Variants in SSBP3 observed in about 807,000 individuals in gnomAD.
SSBP3 encodes single stranded DNA binding protein 3.
SSBP3 carries 5 observed loss-of-function variants against 69.6 expected under a neutral mutation model. The observed-to-expected ratio is 0.07, with a 90% CI of 0.04 to 0.15. The LOEUF is 0.15. Ranked by LOEUF, SSBP3 falls within the 10% of genes least tolerant of loss-of-function variation. SSBP3 has a pLI of 1.00. For synonymous variants in SSBP3, 196 were observed against 193.4 expected (o/e 1.01, Z -0.11); for missense variants, 312 against 534.0 (o/e 0.58, Z 4.10).
intron 4 of SSBP3, among the ~76,000 whole-genome samples, chr1:54,357,566 C>G (rs6657948): frequency 0.63 from 95,734 of 152,062 alleles, 31,353 homozygotes; most frequent in African/African-American, 0.83. Context: ...CCCCCATCCA[C>G]AGGGGACCCA....
upstream of SSBP3, among the ~76,000 whole-genome samples, chr1:54,410,221 G>A (rs1303013516): frequency 6.6e-6 from 1 of 152,216 alleles, no homozygotes; most frequent in African/African-American, 2.4e-5. Context: ...ACGGAGAGGT[G>A]AATTCCAAGC....
At chr1:54,246,079 C>T (rs533112675) in intron 9 of SSBP3, among the ~76,000 whole-genome samples, 2 of 152,266 alleles carry the variant, frequency 1.3e-5, no homozygotes, top group South Asian at 2.1e-4. Flanking sequence ...TGCTGTGCTG[C>T]CTTGTCTATA....
At chr1:54,410,537 C>G (rs535198066), upstream of SSBP3, among the ~76,000 whole-genome samples, 1 of 152,204 alleles carries the variant, frequency 6.6e-6, no homozygotes, top group Non-Finnish European at 1.5e-5. Flanking sequence ...CTTCTGCACC[C>G]GGCACGCTCA....
intron 7 of SSBP3, among the ~76,000 whole-genome samples, chr1:54,252,918 T>C (rs1035609526): frequency 1.9e-4 from 29 of 152,196 alleles, no homozygotes; most frequent in African/African-American, 6.5e-4. Context: ...CAGGGGTCTG[T>C]CCTCAAGGGC....
intron 5 of SSBP3, among the ~76,000 whole-genome samples, chr1:54,267,264 A>G (rs1337345218): frequency 3.9e-5 from 6 of 152,228 alleles, no homozygotes. Context: ...GTATCCATAC[A>G]ACAGGGCACT....
chr1:54,370,104 G>A (rs891055509), intron 4 of SSBP3, among the ~76,000 whole-genome samples: 14 of 152,052 alleles, frequency 9.2e-5, no homozygotes, highest in African/African-American at 3.1e-4. Context: ...TCACCACCTG[G>A]CACTCCAATG....
At chr1:54,300,550 C>A (rs1001141302) in intron 4 of SSBP3, among the ~76,000 whole-genome samples, 25 of 152,300 alleles carry the variant, frequency 1.6e-4, no homozygotes, top group South Asian at 2.1e-4. Flanking sequence ...ACCGCACAGG[C>A]CTGTACTCAG....
intron 5 of SSBP3, among the ~76,000 whole-genome samples, chr1:54,267,682 A>G (rs1447652408): frequency 6.6e-6 from 1 of 152,214 alleles, no homozygotes; most frequent in Non-Finnish European, 1.5e-5. Flanking sequence ...CCACCAGGCC[A>G]AGGGGAAGGA....
upstream of SSBP3, among the ~76,000 whole-genome samples, chr1:54,406,701 A>G (rs1487414428): frequency 1.1e-4 from 16 of 151,462 alleles, no homozygotes; most frequent in East Asian, 3.0e-3. Flanking sequence ...GAGGAGGGGG[A>G]TCTGACCCGC....
At chr1:54,249,593 A>AC (rs1644791957) in intron 9 of SSBP3, among the ~76,000 whole-genome samples, 1 of 152,024 alleles carries the variant, frequency 6.6e-6, no homozygotes, top group South Asian at 2.1e-4. Context: ...TACTTGGGAG[A>AC]CTGAGGATGT....
At chr1:54,226,126 A>G (rs1570165391) in exon 18 of SSBP3, 1 of 151,816 alleles carries the variant, frequency 6.6e-6, no homozygotes, top group East Asian at 1.9e-4. Flanking sequence ...AGCCTCTCCC[A>G]CTCTGCGCCA....
rs188628169 is a variant in SSBP3, at chr1:54,299,273, A to G, written c.277-17746T>C. ...ACTGGTATTTTCCGCTCCACTTGCCAAGAATGGAGCCACCCTGCCCTGCAT... is the reference window on the plus strand; with the variant it reads ...ACTGGTATTTTCCGCTCCACTTGCCGAGAATGGAGCCACCCTGCCCTGCAT... On this transcript the variant is annotated intron_variant, in intron 4 of 17. Transcript: ENST00000610401. 8.5e-5 allele frequency among the ~76,000 whole-genome samples: 13 copies of G among 152,238 alleles called. No homozygotes were observed. In the East Asian group the frequency reaches 2.3e-3, roughly 27 times the overall value.
intron 4 of SSBP3, among the ~76,000 whole-genome samples, chr1:54,391,123 G>A (rs1648461651): frequency 6.6e-6 from 1 of 152,212 alleles, no homozygotes; most frequent in South Asian, 2.1e-4. Flanking sequence ...GGCTTGCTGT[G>A]TCACCAGCCT....
chr1:54,393,790 C>T (rs1049645856), intron 4 of SSBP3, among the ~76,000 whole-genome samples: 14 of 152,044 alleles, frequency 9.2e-5, no homozygotes, highest in Non-Finnish European at 1.9e-4. Flanking sequence ...GACTGAGTCT[C>T]GCTCTATTGC....
chr1:54,282,580 G>C lies in SSBP3; in HGVS notation c.277-1053C>G, dbSNP rs547443911. On this transcript the variant is annotated intron_variant, in intron 4 of 17. Coordinates refer to ENST00000610401, the Ensembl canonical transcript of SSBP3. Reference sequence around the variant, plus strand: ...AGCCTGGCCTCCTTCCAAAGGATCTGTGTGCAACCTATTCAGGTGGTCGGC... The same window carrying C: ...AGCCTGGCCTCCTTCCAAAGGATCTCTGTGCAACCTATTCAGGTGGTCGGC... Among the ~76,000 whole-genome samples the C allele has an allele frequency of 7.5e-4, 114 of 152,302 alleles. No individual in the cohort carries two copies. In the Middle Eastern group the frequency reaches 0.01, roughly 14 times the overall value.
intron 4 of SSBP3, among the ~76,000 whole-genome samples, chr1:54,380,204 C>T (rs1647508944): frequency 6.6e-6 from 1 of 152,190 alleles, no homozygotes; most frequent in South Asian, 2.1e-4. Flanking sequence ...CGCAGAGCAG[C>T]GGACGCCACT....
At chr1:54,368,288 C>CA (rs57721486) in intron 4 of SSBP3, among the ~76,000 whole-genome samples, 1,719 of 68,362 alleles carry the variant, frequency 0.025, 30 homozygotes, top group South Asian at 0.06. Flanking sequence ...GACTCCATCT[C>CA]AAAAAAAAAA....
At chr1:54,246,498 C>A (rs1373445198) in intron 9 of SSBP3, among the ~76,000 whole-genome samples, 7 of 152,188 alleles carry the variant, frequency 4.6e-5, no homozygotes, top group South Asian at 4.2e-4. Context: ...TGTCTCAGCA[C>A]GGAGTGGGGT....
chr1:54,333,513 C>T (rs1006268599), intron 4 of SSBP3, among the ~76,000 whole-genome samples: 5 of 152,132 alleles, frequency 3.3e-5, no homozygotes, highest in African/African-American at 1.2e-4. Flanking sequence ...TGGCCCACGC[C>T]TGTAAATCCC....
Sources: gnomAD v4.1 joint callset for allele counts (sites outside exome capture counted in the v4.1 genomes callset) on GRCh38, gnomAD v4.1.1 for gene constraint, MANE v1.5 for transcripts, NCBI Gene and HGNC (gene_info 2026-07-23, HGNC 2026-07-21) for gene names.